Variants in CEMIP observed in about 807,000 individuals in gnomAD.
The protein encoded by CEMIP is cell migration inducing hyaluronidase 1, also known as cell migration-inducing and hyaluronan-binding protein.
CEMIP carries 105 observed loss-of-function variants against 156.9 expected under a neutral mutation model. That is an observed-to-expected ratio of 0.67 (90% CI 0.57 to 0.79). CEMIP has a LOEUF of 0.79. Ranked by LOEUF, CEMIP falls within the 30% of genes least tolerant of loss-of-function variation. The probability of loss-of-function intolerance (pLI) is 0.00; values close to 1 mark genes in which losing one functional copy is unlikely to be tolerated. For synonymous variants in CEMIP, 676 were observed against 668.4 expected (o/e 1.01, Z -0.17); for missense variants, 1,457 against 1,769.4 (o/e 0.82, Z 3.17).
rs9673075 is a variant in CEMIP at position 80,880,637 on chromosome 15, C to T, written c.381-263C>T. ...CTTTAGTAGAGATGGAGTTTCACCA[C>T]GTTGGCCAGGCTGGTCTTGAACTCC... On this transcript the variant is annotated intron_variant, in intron 5 of 29. Transcript: ENST00000394685. Among the ~76,000 whole-genome samples the T allele has an allele frequency of 0.17, 25,161 of 152,092 alleles. 2,318 individuals are homozygous for T. The highest frequency in any genetic ancestry group is 0.39 in the East Asian group (2,039 of 5,164).
intron 1 of CEMIP, chr15:80,842,138 C>T (rs953747575): frequency 1.6e-5 from 8 of 507,314 alleles, no homozygotes; most frequent in Admixed American, 1.4e-4. Context: ...AATAGAAACA[C>T]GTTGGGTACC....
chr15:80,805,375 C>A (rs1317209950), intron 1 of CEMIP, among the ~76,000 whole-genome samples: 1 of 152,176 alleles, frequency 6.6e-6, no homozygotes, highest in Non-Finnish European at 1.5e-5. Flanking sequence ...ACAAGCAGAC[C>A]TTCTTTTCAG....
intron 10 of CEMIP, among the ~76,000 whole-genome samples, chr15:80,892,349 C>A (rs1899059694): frequency 6.6e-6 from 1 of 152,128 alleles, no homozygotes; most frequent in Non-Finnish European, 1.5e-5. Flanking sequence ...TTTTGTGATT[C>A]TGAAAAAAAT....
At chr15:80,780,476 A>T (rs1895761275) in intron 1 of CEMIP, among the ~76,000 whole-genome samples, 1 of 152,138 alleles carries the variant, frequency 6.6e-6, no homozygotes, top group African/African-American at 2.4e-5. Context: ...CTGGGTCCTC[A>T]GCCGCAGACA....
intron 1 of CEMIP, among the ~76,000 whole-genome samples, chr15:80,821,149 C>T (rs569086120): frequency 5.1e-4 from 78 of 152,280 alleles, no homozygotes; most frequent in Non-Finnish European, 7.9e-4. Context: ...CATAATCTCA[C>T]GGGGAAATAG....
chr15:80,838,930 A>G (rs941729723), intron 1 of CEMIP, among the ~76,000 whole-genome samples: 2 of 152,172 alleles, frequency 1.3e-5, no homozygotes, highest in Non-Finnish European at 2.9e-5. Flanking sequence ...CTTTCCCTGG[A>G]CAGCCAAAGC....
chr15:80,936,197 G>C (rs1384629053), intron 23 of CEMIP, among the ~76,000 whole-genome samples: 1 of 152,262 alleles, frequency 6.6e-6, no homozygotes, highest in Admixed American at 6.5e-5. Context: ...TCAGGGGCCA[G>C]ACACTGAGAG....
intron 1 of CEMIP, among the ~76,000 whole-genome samples, chr15:80,789,236 C>G (rs1288293769): frequency 6.6e-6 from 1 of 152,174 alleles, no homozygotes; most frequent in Admixed American, 6.5e-5. Context: ...AAAGGCTCCT[C>G]TGAGCCCTGT....
intron 1 of CEMIP, among the ~76,000 whole-genome samples, chr15:80,865,323 G>A (rs1898095753): frequency 6.6e-6 from 1 of 151,838 alleles, no homozygotes; most frequent in Admixed American, 6.6e-5. Context: ...CTGGGTCTAC[G>A]GGCTCGCGCC....
At position 80,941,960 on chromosome 15, in the gene CEMIP, C is replaced by T. The variant is rs145572198; in HGVS notation, c.3519C>T (p.Gly1173=). The T allele has an allele frequency of 1.1e-5, 17 of 1,613,782 alleles. No homozygotes were observed. The African/African-American group carries it at 1.5e-4, about 14-fold the overall frequency. ...AAGCTCTGATTCCAAAGAACGCAGG[C>T]GTCAGTGACTGCACAGCCACAGCTT... is the stretch of plus-strand genomic sequence containing the variant. ...KIKALIPKNA[G]VSDCTATAYP... Residue 1173 remains glycine, a synonymous_variant, in exon 26 of 30, where the codon GGC becomes GGT. Coordinates refer to ENST00000394685, the MANE Select transcript of CEMIP (RefSeq NM_001293298.2).
At chr15:80,946,716 C>G in intron 28 of CEMIP, 2 of 521,722 alleles carry the variant, frequency 3.8e-6, no homozygotes, top group South Asian at 4.0e-5. Context: ...GAGCCAAGTC[C>G]AGGCTTGGAG....
chr15:80,884,279 C>T lies in CEMIP; in HGVS notation c.722C>T (p.Ser241Phe), dbSNP rs1232589156. 6.2e-7 allele frequency: 1 copy of T among 1,614,212 alleles called. No homozygotes were observed. The highest frequency in any genetic ancestry group is 1.7e-5 in the Admixed American group (1 of 60,030). Reference sequence around the variant, plus strand: ...TCTGTTGCAGTGAATGATGAAGGTTCTCGAAATCTGGATGACATGGCCAGG... The same window carrying T: ...TCTGTTGCAGTGAATGATGAAGGTTTTCGAAATCTGGATGACATGGCCAGG... ...ILSVAVNDEG[S>F]RNLDDMARKA... The change falls in exon 7 of 30, where the codon TCT becomes TTT. Residue 241 changes from serine to phenylalanine, a missense_variant. Ser to Phe is a radical substitution (Grantham distance 155). Coordinates refer to ENST00000394685, the MANE Select transcript of CEMIP (RefSeq NM_001293298.2).
chr15:80,792,391 G>A (rs7183292), intron 1 of CEMIP, among the ~76,000 whole-genome samples: 7 of 152,044 alleles, frequency 4.6e-5, no homozygotes, highest in African/African-American at 1.5e-4. Flanking sequence ...ACTGGGAAAG[G>A]GCATAAGCTT....
chr15:80,939,422 A>C (rs1293374566), intron 25 of CEMIP, among the ~76,000 whole-genome samples: 1 of 152,228 alleles, frequency 6.6e-6, no homozygotes, highest in Non-Finnish European at 1.5e-5. Flanking sequence ...GAGGAGTGAG[A>C]TATGCCCCAC....
Position 80,884,900 on chromosome 15 carries a change from G to A in CEMIP, c.797+546G>A, listed in dbSNP as rs545892014. On this transcript the variant is annotated intron_variant, in intron 7 of 29. Transcript: ENST00000394685. Reference sequence around the variant, plus strand: ...AGCTGTTTGCCCCACAGTAAACAATGCCTTTTTTAAAAATTTAATTTAATT... The same window carrying A: ...AGCTGTTTGCCCCACAGTAAACAATACCTTTTTTAAAAATTTAATTTAATT... Among the ~76,000 whole-genome samples the A allele has an allele frequency of 2.0e-5, 3 of 152,282 alleles. No individual in the cohort carries two copies. The East Asian group carries it at 5.8e-4, about 29-fold the overall frequency.
intron 14 of CEMIP, among the ~76,000 whole-genome samples, chr15:80,914,006 T>C (rs1419953296): frequency 6.6e-6 from 1 of 152,210 alleles, no homozygotes; most frequent in Non-Finnish European, 1.5e-5. Flanking sequence ...ATACTGTCAG[T>C]GGTGTCTTTC....
At chr15:80,858,765 T>C (rs1664493904) in intron 1 of CEMIP, among the ~76,000 whole-genome samples, 1 of 152,140 alleles carries the variant, frequency 6.6e-6, no homozygotes, top group Non-Finnish European at 1.5e-5. Flanking sequence ...CATCTTTCCT[T>C]CTCCTTTTGG....
At chr15:80,829,990 G>GTGTGTGTGTGTGTT (rs112056985) in intron 1 of CEMIP, among the ~76,000 whole-genome samples, 275 of 149,284 alleles carry the variant, frequency 1.8e-3, no homozygotes, top group African/African-American at 6.6e-3. Context: ...GTGTGTGTGT[G>GTGTGTGTGTGTGTT]TGTGTGTGTG....
chr15:80,948,484 G>C (rs1478726888), intron 29 of CEMIP: 7 of 414,478 alleles, frequency 1.7e-5, no homozygotes, highest in Non-Finnish European at 3.2e-5. Context: ...TCAAAGGTAG[G>C]CAGGTTCCTA....
Sources: gnomAD v4.1 joint callset for allele counts (sites outside exome capture counted in the v4.1 genomes callset) on GRCh38, gnomAD v4.1.1 for gene constraint, MANE v1.5 for transcripts, NCBI Gene and HGNC (gene_info 2026-07-23, HGNC 2026-07-21) for gene names.